Variants in SMAD5 observed in about 807,000 individuals in gnomAD.
SMAD5 encodes SMAD family member 5.
SMAD5 carries 9 observed loss-of-function variants against 43.1 expected under a neutral mutation model. The observed-to-expected ratio is 0.21, with a 90% CI of 0.13 to 0.36. SMAD5 has a LOEUF of 0.36. SMAD5 is among the 10% of genes least tolerant of loss of function. SMAD5 has a pLI of 1.00. For synonymous variants in SMAD5, 190 were observed against 192.4 expected (o/e 0.99, Z 0.10); for missense variants, 348 against 574.0 (o/e 0.61, Z 4.02).
In SMAD5 at chr5:136,147,464, C is replaced by A. The variant is rs992854931; in HGVS notation, c.-244-368C>A. 3.3e-5 allele frequency: 5 copies of A among 151,740 alleles called. No individual in the cohort carries two copies. The South Asian group carries it at 8.3e-4, about 25-fold the overall frequency. The allele number at this position is 151,740 out of a possible 1,614,324, so 9.4% of individuals were successfully genotyped here. On this transcript the variant is annotated intron_variant, in intron 1 of 7. Transcript: ENST00000545279. ...CAGGAATATGAAGAACAATTACAGA[C>A]CTGTAAGGGAAGAAAATTCCTTGGC...
chr5:136,149,439 A>G (rs1753375850), intron 2 of SMAD5, among the ~76,000 whole-genome samples: 1 of 150,968 alleles, frequency 6.6e-6, no homozygotes, highest in African/African-American at 2.4e-5. Context: ...TCCTACTATC[A>G]ATATATGAGA....
intron 5 of SMAD5, among the ~76,000 whole-genome samples, chr5:136,167,282 G>A (rs1754051229): frequency 6.6e-6 from 1 of 151,986 alleles, no homozygotes; most frequent in African/African-American, 2.4e-5. Flanking sequence ...GCCTCTACAT[G>A]TATAAACTTT....
At chr5:136,137,279 C>CCCT (rs1554101163) in intron 1 of SMAD5, among the ~76,000 whole-genome samples, 16 of 150,122 alleles carry the variant, frequency 1.1e-4, no homozygotes, top group African/African-American at 3.7e-4. Context: ...GACCCCCCCC[C>CCCT]GCATCTCTTC....
At chr5:136,172,856 C>T (rs906576929) in intron 6 of SMAD5, 22 of 563,230 alleles carry the variant, frequency 3.9e-5, no homozygotes, top group African/African-American at 3.0e-4. Context: ...AGTGTTTCTT[C>T]CCAGTGCTAA....
At chr5:136,174,683 T>C (rs1754347081) in intron 7 of SMAD5, 51 bp downstream of exon 7, 9 of 1,297,032 alleles carry the variant, frequency 6.9e-6, no homozygotes, top group South Asian at 1.4e-5. Context: ...GTGTATATTA[T>C]GACTTTAGGT....
At chr5:136,171,330 C>T (rs992055361) in intron 5 of SMAD5, among the ~76,000 whole-genome samples, 3 of 152,102 alleles carry the variant, frequency 2.0e-5, no homozygotes, top group African/African-American at 7.2e-5. Context: ...TTTTTTGTCT[C>T]AAATTTAAAC....
chr5:136,170,338 G>T (rs1014674398), intron 5 of SMAD5, among the ~76,000 whole-genome samples: 5 of 152,158 alleles, frequency 3.3e-5, no homozygotes, highest in Middle Eastern at 3.4e-3. Flanking sequence ...TTTTTGAAAA[G>T]ATTTTTTTTT....
intron 1 of SMAD5, among the ~76,000 whole-genome samples, chr5:136,143,855 A>G (rs1298648072): frequency 2.0e-5 from 3 of 151,882 alleles, no homozygotes; most frequent in African/African-American, 7.3e-5. Context: ...CCCTCAACCA[A>G]CTTCTTGTCT....
At chr5:136,137,659 G>A (rs1752935321) in intron 1 of SMAD5, among the ~76,000 whole-genome samples, 1 of 152,048 alleles carries the variant, frequency 6.6e-6, no homozygotes, top group African/African-American at 2.4e-5. Flanking sequence ...GGAAGAGGGG[G>A]GTTCTGCAAA....
rs1402893385 is a variant in SMAD5 at position 136,132,911 on chromosome 5, C to G, written c.-296C>G. ...GGCCGAGCTGCTAATAAAGTTGCAG[C>G]GAGGAGAAGCGCAGCGACGGCGTCG... On this transcript the variant is annotated 5_prime_UTR_variant, in exon 1 of 8. Coordinates refer to ENST00000545279, the MANE Select transcript of SMAD5 (RefSeq NM_005903.7). 1 of 152,266 alleles carries G rather than the reference C, an allele frequency of 6.6e-6. No homozygotes were observed. Among genetic ancestry groups the G allele is most frequent in the Non-Finnish European group, 1.5e-5 (1 of 68,062 alleles). 9.4% of individuals were successfully genotyped at this position (152,266 alleles called of 1,614,324 possible). A position where few individuals can be genotyped will look rare whatever the true frequency, so the allele number is the denominator to read the frequency against.
intron 3 of SMAD5, among the ~76,000 whole-genome samples, chr5:136,158,751 T>C (rs1260074375): frequency 1.3e-5 from 2 of 151,958 alleles, no homozygotes; most frequent in Admixed American, 1.3e-4. Context: ...TACAAAAAAT[T>C]AGCCAGGCGT....
Position 136,181,196 on chromosome 5 carries a change from A to G in SMAD5, c.*3716A>G, listed in dbSNP as rs1044329609. On this transcript the variant is annotated 3_prime_UTR_variant, in exon 8 of 8. Transcript: ENST00000545279. ...ATGATTATCACCTTTGCCACTTAAA[A>G]TATATAAATATCCTTTTTACTTCAT... 8.5e-5 allele frequency: 13 copies of G among 152,164 alleles called. No homozygotes were observed. Among genetic ancestry groups the G allele is most frequent in the Non-Finnish European group, 1.9e-4 (13 of 67,970 alleles). 9.4% of individuals were successfully genotyped at this position (152,164 alleles called of 1,614,324 possible).
At chr5:136,139,325 A>C (rs759161307) in intron 1 of SMAD5, among the ~76,000 whole-genome samples, 1 of 152,068 alleles carries the variant, frequency 6.6e-6, no homozygotes, top group Admixed American at 6.5e-5. Context: ...TTGAAATAGA[A>C]GCTTTGTGAA....
At chr5:136,173,512 T>C (rs1381344876) in intron 6 of SMAD5, among the ~76,000 whole-genome samples, 1 of 152,184 alleles carries the variant, frequency 6.6e-6, no homozygotes, top group Non-Finnish European at 1.5e-5. Flanking sequence ...GTTTTCATTG[T>C]CTTGAGTTTA....
Position 136,172,489 on chromosome 5 carries a change from T to C in SMAD5, c.831T>C (p.Tyr277=). The C allele has an allele frequency of 1.2e-6, 2 of 1,613,356 alleles. No individual in the cohort carries two copies. The highest frequency in any genetic ancestry group is 1.7e-6 in the Non-Finnish European group (2 of 1,179,416). The part of the protein sequence containing the change: ...EPKHWCSIVY[Y]ELNNRVGEAF... ...AACATTGGTGTTCAATAGTCTACTA[T>C]GAATTAAACAATCGTGTTGGAGAAG... Residue 277 remains tyrosine, a synonymous_variant, in exon 6 of 8, where the codon TAT becomes TAC. Coordinates refer to ENST00000545279, the MANE Select transcript of SMAD5 (RefSeq NM_005903.7).
In SMAD5 at chr5:136,139,128, C is replaced by CTGTGTGTGTGTGTGTG. The variant is rs57433582; in HGVS notation, c.-245+6182_-245+6197dup. On this transcript the variant is annotated intron_variant, in intron 1 of 7. Coordinates refer to ENST00000545279, the MANE Select transcript of SMAD5 (RefSeq NM_005903.7). The stretch of plus-strand genomic sequence containing the variant: ...CACTTTAGAAATCTAGCTGTGAGCT[C>CTGTGTGTGTGTGTGTG]TGTGTGTGTGTGTGTGTGTGTGTGT... 1.5e-4 allele frequency among the ~76,000 whole-genome samples: 21 copies of CTGTGTGTGTGTGTGTG among 140,482 alleles called. 1 individual carries two copies. The allele number at this position is 140,482 out of a possible 152,430, so 92.2% of individuals were successfully genotyped here.
chr5:136,152,276 C>T (rs1001218359), intron 2 of SMAD5, among the ~76,000 whole-genome samples: 1 of 152,036 alleles, frequency 6.6e-6, no homozygotes, highest in African/African-American at 2.4e-5. Context: ...GAGATTAAAC[C>T]CTACTTGGCA....
chr5:136,177,004 T>A (rs773877005), intron 7 of SMAD5, among the ~76,000 whole-genome samples: 7 of 152,168 alleles, frequency 4.6e-5, no homozygotes, highest in African/African-American at 7.2e-5. Context: ...TAAGGGAGAA[T>A]GTATCTCAGA....
At chr5:136,166,254 T>C (rs1275076474) in intron 5 of SMAD5, among the ~76,000 whole-genome samples, 3 of 152,054 alleles carry the variant, frequency 2.0e-5, no homozygotes, top group Admixed American at 1.3e-4. Flanking sequence ...GTTTGAGACC[T>C]TAACCTCCTT....
Sources: allele counts gnomAD v4.1 joint callset (sites outside exome capture counted in the v4.1 genomes callset), GRCh38; gene constraint gnomAD v4.1.1; transcripts MANE v1.5; gene names NCBI Gene and HGNC (gene_info 2026-07-23, HGNC 2026-07-21).